TRAPPC8: variants seen among roughly 807,000 people sequenced by gnomAD.
The protein encoded by TRAPPC8 is general sporulation gene 1 homolog.
TRAPPC8 carries 54 observed loss-of-function variants against 174.3 expected under a neutral mutation model. The observed-to-expected ratio is 0.31, with a 90% CI of 0.25 to 0.39. The LOEUF (loss-of-function observed/expected upper bound fraction) is 0.39, where lower values mean the gene tolerates loss of function less well. TRAPPC8 is among the 10% of genes least tolerant of loss of function. The pLI is 1.00. For missense variants in TRAPPC8, 1,531 were observed against 1,699.1 expected, an observed-to-expected ratio of 0.90 and a Z score of 1.74; for synonymous variants, 630 against 579.9, an observed-to-expected ratio of 1.09 and a Z score of -1.24.
Position 31,942,943 on chromosome 18 carries a change from T to C in TRAPPC8, c.-179A>G, listed in dbSNP as rs1481953782. 3.4e-6 allele frequency: 4 copies of C among 1,185,730 alleles called. No individual in the cohort carries two copies. The East Asian group carries it at 9.6e-5, about 28-fold the overall frequency. 73.5% of individuals were successfully genotyped at this position (1,185,730 alleles called of 1,614,324 possible). On this transcript the variant is annotated 5_prime_UTR_variant, in exon 1 of 29. Coordinates refer to ENST00000283351, the MANE Select transcript of TRAPPC8 (RefSeq NM_014939.5). ...CGCCGCTTCGGTTTCTGGGGCACAA[T>C]CCACTGACCCCCCCCTTCCCGTCAC...
At chr18:31,845,589 G>A (rs1404374832) in intron 26 of TRAPPC8, among the ~76,000 whole-genome samples, 1 of 151,710 alleles carries the variant, frequency 6.6e-6, no homozygotes, top group African/African-American at 2.4e-5. Context: ...ACGATTAAGG[G>A]AAAAAAACTA....
chr18:31,925,131 A>G (rs1317995227), intron 2 of TRAPPC8, among the ~76,000 whole-genome samples: 1 of 152,138 alleles, frequency 6.6e-6, no homozygotes, highest in Non-Finnish European at 1.5e-5. Flanking sequence ...ATACTCAGTC[A>G]GGGTTTTAAT....
At chr18:31,915,622 C>T (rs1189448547) in intron 4 of TRAPPC8, among the ~76,000 whole-genome samples, 1 of 151,980 alleles carries the variant, frequency 6.6e-6, no homozygotes, top group Admixed American at 6.5e-5. Flanking sequence ...TGAAGCCGGG[C>T]GTGGTGGCTC....
chr18:31,855,146 G>T (rs1295604545), intron 21 of TRAPPC8, among the ~76,000 whole-genome samples: 1 of 151,810 alleles, frequency 6.6e-6, no homozygotes, highest in African/African-American at 2.4e-5. Context: ...AGGTTACAGT[G>T]AGCAACCTGG....
intron 16 of TRAPPC8, 124 bp from the exon 17 acceptor site, chr18:31,867,600 C>CG: frequency 1.4e-6 from 1 of 694,612 alleles, no homozygotes. Context: ...TGGTTTTTAC[C>CG]ACATGCTGAG....
intron 2 of TRAPPC8, among the ~76,000 whole-genome samples, chr18:31,929,112 G>A (rs951099951): frequency 1.3e-5 from 2 of 151,846 alleles, no homozygotes; most frequent in African/African-American, 4.8e-5. Flanking sequence ...AACCCGGGAG[G>A]TGGAGGTTTC....
chr18:31,866,902 A>G lies in TRAPPC8; in HGVS notation c.2537T>C (p.Ile846Thr). The G allele has an allele frequency of 1.2e-6, 2 of 1,613,774 alleles. No individual in the cohort carries two copies. Among genetic ancestry groups the G allele is most frequent in the South Asian group, 1.1e-5 (1 of 91,074 alleles). Residue 846 changes from isoleucine (I) to threonine (T), a missense_variant, in exon 18 of 29, where the codon ATT becomes ACT. By Grantham distance (89) the Ile-to-Thr change is moderately conservative. Coordinates refer to ENST00000283351, the MANE Select transcript of TRAPPC8 (RefSeq NM_014939.5). Reference sequence around the variant, plus strand: ...GCCATCTACTGTCATAGAGCCCTGAATAGTGCCAAGATTATAAACAACTCC... The same window carrying G: ...GCCATCTACTGTCATAGAGCCCTGAGTAGTGCCAAGATTATAAACAACTCC... ...ILGVVYNLGT[I>T]QGSMTVDGIG...
intron 27 of TRAPPC8, among the ~76,000 whole-genome samples, chr18:31,833,915 TGG>T: frequency 1.4e-5 from 2 of 143,736 alleles, no homozygotes; most frequent in Non-Finnish European, 3.0e-5. Flanking sequence ...GGCAGAAGAA[TGG>T]CATGAACCCA....
At chr18:31,841,456 A>G (rs979415296) in intron 26 of TRAPPC8, among the ~76,000 whole-genome samples, 77 of 152,180 alleles carry the variant, frequency 5.1e-4, no homozygotes, top group Non-Finnish European at 3.5e-4. Context: ...TATCTGATAC[A>G]ATGTAATAGC....
At chr18:31,860,177 G>A (rs1033246927) in intron 19 of TRAPPC8, among the ~76,000 whole-genome samples, 1 of 152,146 alleles carries the variant, frequency 6.6e-6, no homozygotes, top group African/African-American at 2.4e-5. Context: ...ATATACATGT[G>A]TGAGTACAAA....
At chr18:31,940,591 C>T (rs1438358813) in intron 1 of TRAPPC8, among the ~76,000 whole-genome samples, 3 of 152,060 alleles carry the variant, frequency 2.0e-5, no homozygotes, top group Admixed American at 2.0e-4. Flanking sequence ...CTGTGCCTCC[C>T]GGGTTCAAGT....
Position 31,857,411 on chromosome 18 carries a change from T to C in TRAPPC8, c.3188+129A>G, listed in dbSNP as rs1598615575. ...CAGTTCTATTTGAGACAATTTCAGA[T>C]ATAAATATCCTGCATAATCTGGAAC... On this transcript the variant is annotated intron_variant, in intron 20 of 28. Transcript: ENST00000283351. 4 of 845,240 alleles carry C rather than the reference T, an allele frequency of 4.7e-6. 1 individual carries two copies. Among genetic ancestry groups the C allele is most frequent in the Middle Eastern group, 3.8e-4 (1 of 2,604 alleles). 52.4% of individuals were successfully genotyped at this position (845,240 alleles called of 1,614,324 possible).
At chr18:31,934,346 T>C (rs974667137) in intron 1 of TRAPPC8, among the ~76,000 whole-genome samples, 1 of 152,050 alleles carries the variant, frequency 6.6e-6, no homozygotes, top group African/African-American at 2.4e-5. Flanking sequence ...GCAAATATGA[T>C]GGAGGGTTAA....
chr18:31,855,853 CTATGT>C (rs777826555), intron 20 of TRAPPC8, 46 bp from the exon 21 acceptor site: 5 of 1,546,484 alleles, frequency 3.2e-6, no homozygotes, highest in Non-Finnish European at 3.5e-6. Flanking sequence ...CACAGAGTCT[CTATGT>C]TATAATTATC....
chr18:31,889,510 G>A (rs2035865365), intron 12 of TRAPPC8, among the ~76,000 whole-genome samples: 1 of 152,158 alleles, frequency 6.6e-6, no homozygotes, highest in African/African-American at 2.4e-5. Flanking sequence ...AATACATTTT[G>A]TCATTTTTTG....
At chr18:31,934,728 A>T (rs1464164294) in intron 1 of TRAPPC8, among the ~76,000 whole-genome samples, 2 of 150,990 alleles carry the variant, frequency 1.3e-5, no homozygotes, top group Non-Finnish European at 3.0e-5. Context: ...TTAGCCGGGC[A>T]TGGTGGCACG....
intron 24 of TRAPPC8, among the ~76,000 whole-genome samples, chr18:31,850,366 TA>T (rs1295189901): frequency 1.3e-5 from 2 of 152,182 alleles, no homozygotes; most frequent in African/African-American, 2.4e-5. Flanking sequence ...ACCAAGAAAA[TA>T]AAAATAAAAT....
intron 16 of TRAPPC8, 126 bp from the exon 17 acceptor site, chr18:31,867,602 C>A: frequency 3.4e-6 from 2 of 595,502 alleles, no homozygotes; most frequent in South Asian, 2.6e-5. Flanking sequence ...GTTTTTACCA[C>A]ATGCTGAGCT....
intron 10 of TRAPPC8, among the ~76,000 whole-genome samples, chr18:31,898,423 G>GT (rs1476459371): frequency 2.6e-5 from 4 of 152,326 alleles, no homozygotes; most frequent in African/African-American, 9.6e-5. Flanking sequence ...TAATTTGGCA[G>GT]TAAGAATACA....
Sources: gnomAD v4.1 joint callset for allele counts (sites outside exome capture counted in the v4.1 genomes callset) on GRCh38, gnomAD v4.1.1 for gene constraint, MANE v1.5 for transcripts, NCBI Gene and HGNC (gene_info 2026-07-23, HGNC 2026-07-21) for gene names.